Variants in GRIN2A observed in about 807,000 individuals in gnomAD.
GRIN2A encodes the protein glutamate ionotropic receptor NMDA type subunit 2A.
Under a neutral mutation model 113.4 loss-of-function variants are expected in GRIN2A, and 22 were observed. The observed-to-expected ratio is 0.19, with a 90% CI of 0.14 to 0.28. The LOEUF (loss-of-function observed/expected upper bound fraction) is 0.28, where lower values mean the gene tolerates loss of function less well. Among genes scored for constraint, GRIN2A ranks in the 10% least tolerant of loss-of-function variants. The pLI, the probability that GRIN2A is intolerant of heterozygous loss-of-function variation, is 1.00. For missense variants in GRIN2A, 1,502 were observed against 1,887.0 expected, an observed-to-expected ratio of 0.80 and a Z score of 3.78; for synonymous variants, 827 against 738.4, an observed-to-expected ratio of 1.12 and a Z score of -1.94.
At chr16:9,932,524 C>T (rs1438009322) in intron 3 of GRIN2A, among the ~76,000 whole-genome samples, 1 of 151,900 alleles carries the variant, frequency 6.6e-6, no homozygotes, top group African/African-American at 2.4e-5. Flanking sequence ...TACAGGCGTG[C>T]ACCACCACAC....
At chr16:9,914,926 T>G (rs1203301014) in intron 3 of GRIN2A, among the ~76,000 whole-genome samples, 1 of 83,934 alleles carries the variant, frequency 1.2e-5, no homozygotes. Flanking sequence ...TTTTTTTTTT[T>G]TTTTTTTTTT....
At chr16:10,022,147 T>C (rs2937029) in intron 2 of GRIN2A, among the ~76,000 whole-genome samples, 119,831 of 151,762 alleles carry the variant, frequency 0.79, 48,001 homozygotes, top group Non-Finnish European at 0.85. Flanking sequence ...CACATCAAAA[T>C]ACCACAGCAT....
intron 11 of GRIN2A, among the ~76,000 whole-genome samples, chr16:9,786,386 C>T (rs930407488): frequency 2.0e-5 from 3 of 152,170 alleles, no homozygotes; most frequent in African/African-American, 7.2e-5. Flanking sequence ...TGGGCCTGCT[C>T]CCACGGTGCT....
chr16:9,986,337 T>G (rs1003512716), intron 2 of GRIN2A, among the ~76,000 whole-genome samples: 44 of 152,194 alleles, frequency 2.9e-4, no homozygotes, highest in Non-Finnish European at 4.4e-4. Context: ...CATAAAAATA[T>G]TTGTAAAATA....
intron 2 of GRIN2A, among the ~76,000 whole-genome samples, chr16:10,026,582 C>CAACTGAAGAACA (rs2046827111): frequency 7.2e-6 from 1 of 138,602 alleles, no homozygotes; most frequent in Admixed American, 6.9e-5. Flanking sequence ...ATCTCTAACT[C>CAACTGAAGAACA]TCCCTTTCTG....
intron 2 of GRIN2A, among the ~76,000 whole-genome samples, chr16:10,029,779 C>T (rs1444397211): frequency 2.3e-5 from 3 of 128,058 alleles, no homozygotes; most frequent in Non-Finnish European, 5.2e-5. Context: ...TGTAGATCAC[C>T]TGAGGTCTGG....
At chr16:10,148,138 T>C (rs770124879) in intron 2 of GRIN2A, among the ~76,000 whole-genome samples, 4 of 152,188 alleles carry the variant, frequency 2.6e-5, no homozygotes, top group Non-Finnish European at 4.4e-5. Context: ...AGCCCAGGAA[T>C]TGGCAAACTA....
chr16:10,177,537 C>A (rs4780866), intron 2 of GRIN2A, among the ~76,000 whole-genome samples: 20,662 of 152,178 alleles, frequency 0.14, 1,723 homozygotes, highest in Non-Finnish European at 0.19. Flanking sequence ...TTCTTCTCTC[C>A]AACCCCTCTT....
At chr16:10,070,605 G>A (rs537806199) in intron 2 of GRIN2A, among the ~76,000 whole-genome samples, 2 of 152,292 alleles carry the variant, frequency 1.3e-5, no homozygotes, top group South Asian at 4.1e-4. Context: ...GTGACACTGA[G>A]ATATTTATAA....
chr16:9,897,018 C>T (rs561204298), intron 3 of GRIN2A, among the ~76,000 whole-genome samples: 2 of 152,174 alleles, frequency 1.3e-5, no homozygotes, highest in Admixed American at 1.3e-4. Flanking sequence ...TGCTTCTAAG[C>T]CTCAAATTAC....
At chr16:10,139,138 G>A (rs2142247678) in intron 2 of GRIN2A, among the ~76,000 whole-genome samples, 1 of 152,334 alleles carries the variant, frequency 6.6e-6, no homozygotes, top group African/African-American at 2.4e-5. Context: ...AGACAGCCCT[G>A]GAGGCCTGGA....
chr16:10,137,938 G>T (rs2049235217), intron 2 of GRIN2A, among the ~76,000 whole-genome samples: 1 of 152,184 alleles, frequency 6.6e-6, no homozygotes, highest in African/African-American at 2.4e-5. Flanking sequence ...CCAGCTCCTT[G>T]AGATAATGGG....
rs1266890478 is a variant in GRIN2A at position 9,754,423 on chromosome 16, C to G, written c.*8726G>C. The G allele has an allele frequency of 4.7e-6, 1 of 210,656 alleles. No homozygotes were observed. The highest frequency in any genetic ancestry group is 9.6e-6 in the Non-Finnish European group (1 of 103,862). 13.0% of individuals were successfully genotyped at this position (210,656 alleles called of 1,614,324 possible). A position where few individuals can be genotyped will look rare whatever the true frequency, so the allele number is the denominator to read the frequency against. On this transcript the variant is annotated 3_prime_UTR_variant, in exon 13 of 13. Coordinates refer to ENST00000330684, the MANE Select transcript of GRIN2A (RefSeq NM_001134407.3). Reference sequence around the variant, plus strand: ...GAAAATGTTATTCTTGAACTTATATCTTAAGTAGGCAATTAGCATCCCTTC... The same window carrying G: ...GAAAATGTTATTCTTGAACTTATATGTTAAGTAGGCAATTAGCATCCCTTC...
chr16:9,778,650 G>A (rs991326776), intron 11 of GRIN2A, among the ~76,000 whole-genome samples: 5 of 152,356 alleles, frequency 3.3e-5, no homozygotes, highest in African/African-American at 9.6e-5. Context: ...ACGAGGGGAA[G>A]TAAATCTGGG....
At chr16:9,831,576 C>G (rs955750786) in intron 8 of GRIN2A, among the ~76,000 whole-genome samples, 5 of 145,768 alleles carry the variant, frequency 3.4e-5, no homozygotes. Context: ...AGTGCAGTGG[C>G]ACAATCTCGG....
intron 2 of GRIN2A, among the ~76,000 whole-genome samples, chr16:10,021,602 G>A (rs1286036549): frequency 1.3e-5 from 2 of 152,212 alleles, no homozygotes; most frequent in East Asian, 1.9e-4. Context: ...TGACAGGAGC[G>A]GAAGCAAGCC....
At chr16:9,994,263 C>T (rs183076082) in intron 2 of GRIN2A, among the ~76,000 whole-genome samples, 1 of 152,256 alleles carries the variant, frequency 6.6e-6, no homozygotes, top group East Asian at 1.9e-4. Context: ...TTTGTCAGTT[C>T]CTGGATAGTT....
chr16:10,072,135 T>A (rs1231754026), intron 2 of GRIN2A, among the ~76,000 whole-genome samples: 1 of 152,188 alleles, frequency 6.6e-6, no homozygotes, highest in East Asian at 1.9e-4. Context: ...CCCAGGACAA[T>A]CTTTCACCAT....
chr16:10,180,916 G>A lies in GRIN2A; in HGVS notation c.-18-487C>T, dbSNP rs1361442934. 1 of 190,592 alleles carries A rather than the reference G, an allele frequency of 5.2e-6. No homozygotes were observed. The highest frequency in any genetic ancestry group is 2.4e-5 in the African/African-American group (1 of 42,454). The allele number at this position is 190,592 out of a possible 1,614,324, so 11.8% of individuals were successfully genotyped here. On this transcript the variant is annotated intron_variant, in intron 1 of 12. Coordinates refer to ENST00000330684, the MANE Select transcript of GRIN2A (RefSeq NM_001134407.3). The surrounding 1 kb of genome is among the most constrained non-coding windows in gnomAD (Gnocchi z 7.0). ...AACTACAGACCCCGCAGGGCGTGCG[G>A]AGGCGGCACCCAGACCCCGCGTCCC...
Sources: gnomAD v4.1 joint callset for allele counts (sites outside exome capture counted in the v4.1 genomes callset) on GRCh38, gnomAD v4.1.1 for gene constraint, Gnocchi (gnomAD v3.1) non-coding constraint, MANE v1.5 for transcripts, NCBI Gene and HGNC (gene_info 2026-07-23, HGNC 2026-07-21) for gene names.